EPHB4: variants seen among roughly 807,000 people sequenced by gnomAD.
The protein encoded by EPHB4 is EPH receptor B4, also known as ephrin type-B receptor 4.
A neutral mutation model predicts 110.6 loss-of-function variants in EPHB4; 50 were observed. That is an observed-to-expected ratio of 0.45 (90% confidence interval 0.36 to 0.57). The LOEUF is 0.57. EPHB4 is among the 20% of genes least tolerant of loss of function. The pLI is 0.00. For missense variants in EPHB4, 1,128 were observed against 1,382.1 expected, an observed-to-expected ratio of 0.82 and a Z score of 2.91; for synonymous variants, 592 against 578.4, an observed-to-expected ratio of 1.02 and a Z score of -0.34.
chr7:100,812,752 G>A lies in EPHB4; in HGVS notation c.2113C>T (p.Leu705=). 6.2e-7 allele frequency: 1 copy of A among 1,613,008 alleles called. No individual in the cohort carries two copies. Among genetic ancestry groups the A allele is most frequent in the South Asian group, 1.1e-5 (1 of 91,072 alleles). The change falls in exon 12 of 17, where the codon CTG becomes TTG. Residue 705 remains leucine (L), a synonymous_variant. Transcript: ENST00000358173. ...FMENGALDSF[L]RLNDGQFTVI... ...AAGCCAGGGAGGGTGCTCACCCGCA[G>A]GAAGGAGTCCAGGGCGCCGTTCTCC...
rs761645481 is a variant in EPHB4 at position 100,812,765 on chromosome 7, G to T, written c.2100C>A (p.Ala700=). 9.3e-6 allele frequency: 15 copies of T among 1,613,592 alleles called. No individual in the cohort carries two copies. The East Asian group carries it at 3.1e-4, about 34-fold the overall frequency. The part of the protein sequence containing the change: ...MILTEFMENG[A]LDSFLRLNDG... Reference sequence around the variant, plus strand: ...TGCTCACCCGCAGGAAGGAGTCCAGGGCGCCGTTCTCCATGAACTCTGTGA... The same window carrying T: ...TGCTCACCCGCAGGAAGGAGTCCAGTGCGCCGTTCTCCATGAACTCTGTGA... The change falls in exon 12 of 17, where the codon GCC becomes GCA. Residue 700 remains alanine, a synonymous_variant. Coordinates refer to ENST00000358173, the MANE Select transcript of EPHB4 (RefSeq NM_004444.5).
intron 14 of EPHB4, 68 bp from the exon 15 acceptor site, chr7:100,805,762 A>T: frequency 7.3e-7 from 1 of 1,365,826 alleles, no homozygotes; most frequent in Non-Finnish European, 9.5e-7. Flanking sequence ...CAGGCCCAGG[A>T]AATGGTGACT....
intron 8 of EPHB4, among the ~76,000 whole-genome samples, chr7:100,814,516 C>T (rs1449470429): frequency 6.6e-6 from 1 of 152,076 alleles, no homozygotes; most frequent in Non-Finnish European, 1.5e-5. Context: ...CTAGGCATGC[C>T]CAGCCGCCAG....
intron 8 of EPHB4, among the ~76,000 whole-genome samples, chr7:100,816,209 A>G (rs1027706162): frequency 3.9e-5 from 6 of 152,110 alleles, no homozygotes; most frequent in Non-Finnish European, 5.9e-5. Context: ...CTGGCCTAGC[A>G]TATTAAAAAT....
In EPHB4 at chr7:100,822,534, C is replaced by A. The variant is rs1297123317; in HGVS notation, c.545G>T (p.Gly182Val). The A allele has an allele frequency of 6.2e-7, 1 of 1,613,394 alleles. No homozygotes were observed. Among genetic ancestry groups the A allele is most frequent in the Admixed American group, 1.7e-5 (1 of 60,004 alleles). The part of the protein sequence containing the change: ...AGFYLAFQDQ[G>V]ACMALLSLHL... Reference sequence around the variant, plus strand: ...CAGGGATAGCAGGGCCATGCAGGCACCCTGGTCCTGGAAGGCCAGGTAGAA... The same window carrying A: ...CAGGGATAGCAGGGCCATGCAGGCAACCTGGTCCTGGAAGGCCAGGTAGAA... Residue 182 changes from glycine (G) to valine (V), a missense_variant, in exon 4 of 17, where the codon GGT becomes GTT. Physicochemically the swap from Gly to Val is moderately radical, Grantham distance 109. Transcript: ENST00000358173. The surrounding 1 kb of genome is among the most constrained non-coding windows in gnomAD (Gnocchi z 4.7).
chr7:100,814,586 T>C (rs1221738431), intron 8 of EPHB4, among the ~76,000 whole-genome samples: 1 of 152,198 alleles, frequency 6.6e-6, no homozygotes, highest in Non-Finnish European at 1.5e-5. Flanking sequence ...CTCCATTCAA[T>C]GAAACGTTCT....
chr7:100,805,536 G>A lies in EPHB4; in HGVS notation c.2643C>T (p.Pro881=), dbSNP rs759414784. The A allele has an allele frequency of 1.0e-5, 16 of 1,526,140 alleles. No homozygotes were observed. The South Asian group carries it at 1.3e-4, about 12-fold the overall frequency. The allele number at this position is 1,526,140 out of a possible 1,614,324, so 94.5% of individuals were successfully genotyped here. ...VSALDKMIRN[P]ASLKIVAREN... Reference sequence around the variant, plus strand: ...CCCGGGCCACGATTTTGAGGCTGGCGGGGTTCCGGATCATCTTGTCCAGGG... The same window carrying A: ...CCCGGGCCACGATTTTGAGGCTGGCAGGGTTCCGGATCATCTTGTCCAGGG... Residue 881 remains proline, a synonymous_variant, in exon 15 of 17, where the codon CCC becomes CCT. Coordinates refer to ENST00000358173, the MANE Select transcript of EPHB4 (RefSeq NM_004444.5).
chr7:100,812,973 C>T lies in EPHB4; in HGVS notation c.1892G>A (p.Arg631Gln), dbSNP rs758888214. 9.3e-6 allele frequency: 15 copies of T among 1,613,742 alleles called. No homozygotes were observed. Among genetic ancestry groups the T allele is most frequent in the East Asian group, 2.2e-5 (1 of 44,886 alleles). ...IGAGEFGEVC[R>Q]GRLKAPGKKE... ...CTTCCCTGGGGCCTTGAGCCGCCCC[C>T]GGCACACCTCGCCAAACTCACCTTC... is the stretch of plus-strand genomic sequence containing the variant. The change falls in exon 12 of 17, where the codon CGG becomes CAG. Residue 631 changes from arginine (R) to glutamine (Q), a missense_variant. By Grantham distance (43) the Arg-to-Gln change is conservative (BLOSUM62 1). Transcript: ENST00000358173.
chr7:100,803,580 G>C lies in EPHB4; in HGVS notation c.2845C>G (p.Arg949Gly), dbSNP rs750862933. ...TGTCCCGCCAGAGTGACTCCGATTC[G>C]GAGCAGGTCCCTGCAGAAGGAAAGG... ...VSQISAEDLLRIGVTLAGHQK... is the reference protein window; with the variant it reads ...VSQISAEDLLGIGVTLAGHQK... Residue 949 changes from arginine to glycine, a missense_variant, in exon 17 of 17, where the codon CGA (arginine) becomes GGA (glycine). Coordinates refer to ENST00000358173, the MANE Select transcript of EPHB4 (RefSeq NM_004444.5). The C allele has an allele frequency of 1.9e-6, 3 of 1,603,698 alleles. No homozygotes were observed. Among genetic ancestry groups the C allele is most frequent in the East Asian group, 2.2e-5 (1 of 44,538 alleles).
rs1471668144 is a variant in EPHB4, at chr7:100,807,644, A to G, written c.2119-64T>C. ...CCACCCACCGTTCCCCCTCCCATCC[A>G]CATCTTTTTTTTTTAGAGACAGGGT... On this transcript the variant is annotated intron_variant, in intron 12 of 16. Transcript: ENST00000358173. The G allele has an allele frequency of 9.9e-6, 15 of 1,518,288 alleles. No homozygotes were observed. The Admixed American group carries it at 2.1e-4, about 22-fold the overall frequency. 94.1% of individuals were successfully genotyped at this position (1,518,288 alleles called of 1,614,324 possible). A position where few individuals can be genotyped will look rare whatever the true frequency, so the allele number is the denominator to read the frequency against.
At chr7:100,815,418 A>G (rs1272427392) in intron 8 of EPHB4, among the ~76,000 whole-genome samples, 8 of 152,208 alleles carry the variant, frequency 5.3e-5, no homozygotes, top group African/African-American at 1.9e-4. Context: ...GTGAACAGTC[A>G]CAAAAGACCA....
intron 1 of EPHB4, chr7:100,826,719 G>C (rs1413073084): frequency 1.0e-4 from 42 of 411,828 alleles, no homozygotes; most frequent in Non-Finnish European, 1.8e-5. Context: ...TCAGCAGTGA[G>C]AGTTCGGGGA....
chr7:100,813,576 A>G, intron 10 of EPHB4, 76 bp downstream of exon 10: 3 of 1,540,120 alleles, frequency 1.9e-6, no homozygotes, highest in Non-Finnish European at 2.7e-6. Flanking sequence ...TCTGCCTCCC[A>G]AAGTGCTGGG....
chr7:100,809,446 C>T (rs142339621), intron 12 of EPHB4, among the ~76,000 whole-genome samples: 2 of 152,214 alleles, frequency 1.3e-5, no homozygotes, highest in Non-Finnish European at 2.9e-5. Context: ...AGCCCTCCAG[C>T]GGGTTCCCGT....
At position 100,812,332 on chromosome 7, in the gene EPHB4, G is replaced by A. The variant is rs1442971433; in HGVS notation, c.2118+415C>T. Among the ~76,000 whole-genome samples, 3 of 152,238 alleles carry A rather than the reference G, an allele frequency of 2.0e-5. No homozygotes were observed. In the East Asian group the frequency reaches 5.8e-4, roughly 29 times the overall value. On this transcript the variant is annotated intron_variant, in intron 12 of 16. Coordinates refer to ENST00000358173, the MANE Select transcript of EPHB4 (RefSeq NM_004444.5). ...TGGCCAGGCGTGGTGCCTCACACCT[G>A]TAATACCAGCACTTTGGGAGGCTGA...
At position 100,803,283 on chromosome 7, in the gene EPHB4, G is replaced by T; in HGVS notation, c.*178C>A. Reference sequence around the variant, plus strand: ...GAGTTCCCCGAGGTGGCTGGGGGGTGATTTTCCCCTCCTATTATGGCAGAA... The same window carrying T: ...GAGTTCCCCGAGGTGGCTGGGGGGTTATTTTCCCCTCCTATTATGGCAGAA... On this transcript the variant is annotated 3_prime_UTR_variant, in exon 17 of 17. Transcript: ENST00000358173. The T allele has an allele frequency of 1.3e-6, 1 of 746,446 alleles. No homozygotes were observed. Among genetic ancestry groups the T allele is most frequent in the Non-Finnish European group, 1.9e-6 (1 of 517,582 alleles). 46.2% of individuals were successfully genotyped at this position (746,446 alleles called of 1,614,324 possible).
intron 12 of EPHB4, among the ~76,000 whole-genome samples, chr7:100,810,187 T>C (rs943396256): frequency 3.3e-5 from 5 of 151,620 alleles, no homozygotes; most frequent in Non-Finnish European, 5.9e-5. Context: ...GAGGCGGAGG[T>C]TGCAGTGAGC....
intron 1 of EPHB4, among the ~76,000 whole-genome samples, chr7:100,825,893 A>T (rs1171474505): frequency 1.3e-5 from 2 of 151,398 alleles, no homozygotes; most frequent in African/African-American, 4.9e-5. Context: ...CCCCTCGTTC[A>T]TGGTTTTTGT....
intron 8 of EPHB4, among the ~76,000 whole-genome samples, chr7:100,814,676 A>G (rs1018023696): frequency 1.3e-5 from 2 of 152,238 alleles, no homozygotes; most frequent in African/African-American, 4.8e-5. Flanking sequence ...TAAAAAACAA[A>G]ATCAGCTATT....
Sources: allele counts gnomAD v4.1 joint callset (sites outside exome capture counted in the v4.1 genomes callset), GRCh38; gene constraint gnomAD v4.1.1; non-coding constraint Gnocchi (gnomAD v3.1); transcripts MANE v1.5; gene names NCBI Gene and HGNC (gene_info 2026-07-23, HGNC 2026-07-21).